CADM2: variants seen among roughly 807,000 people sequenced by gnomAD.
The protein encoded by CADM2 is cell adhesion molecule 2.
CADM2 carries 12 observed loss-of-function variants against 49.8 expected under a neutral mutation model. That is an observed-to-expected ratio of 0.24 (90% confidence interval 0.15 to 0.39). The LOEUF is 0.39. Ranked by LOEUF, CADM2 falls within the 10% of genes least tolerant of loss-of-function variation. The pLI is 1.00. For missense variants in CADM2, 378 were observed against 492.3 expected (o/e 0.77, Z 2.20); for synonymous variants, 214 against 175.4 (o/e 1.22, Z -1.74).
At chr3:85,979,710 T>G (rs1293438156) in intron 8 of CADM2, among the ~76,000 whole-genome samples, 1 of 151,632 alleles carries the variant, frequency 6.6e-6, no homozygotes, top group African/African-American at 2.4e-5. Context: ...ATCTATAGTT[T>G]TGAAATTGTT....
intron 3 of CADM2, among the ~76,000 whole-genome samples, chr3:85,826,116 C>A (rs2073896528): frequency 6.6e-6 from 1 of 151,936 alleles, no homozygotes; most frequent in Non-Finnish European, 1.5e-5. Context: ...TCATCACATG[C>A]TTTTATAGAA....
At chr3:85,650,304 A>T (rs1162546742) in intron 1 of CADM2, among the ~76,000 whole-genome samples, 1 of 152,200 alleles carries the variant, frequency 6.6e-6, no homozygotes, top group Non-Finnish European at 1.5e-5. Flanking sequence ...AGTAGATAAA[A>T]GATCTCTTTT....
intron 2 of CADM2, among the ~76,000 whole-genome samples, chr3:85,776,085 T>G (rs1382812416): frequency 6.6e-6 from 1 of 151,818 alleles, no homozygotes; most frequent in Non-Finnish European, 1.5e-5. Flanking sequence ...TGAGAATATA[T>G]AAGAAATTTT....
At chr3:85,326,998 CA>C (rs1559781089) in intron 1 of CADM2, among the ~76,000 whole-genome samples, 2 of 151,428 alleles carry the variant, frequency 1.3e-5, no homozygotes, top group Admixed American at 6.6e-5. Context: ...CTTATTCTAC[CA>C]TTTTGTTTGT....
intron 1 of CADM2, among the ~76,000 whole-genome samples, chr3:85,478,082 A>T (rs1451464847): frequency 6.6e-6 from 1 of 151,940 alleles, no homozygotes; most frequent in African/African-American, 2.4e-5. Context: ...TCTTCAAAGT[A>T]CTTTTAGTTT....
chr3:85,704,926 T>C (rs1007663478), intron 1 of CADM2, among the ~76,000 whole-genome samples: 1 of 151,144 alleles, frequency 6.6e-6, no homozygotes, highest in Non-Finnish European at 1.5e-5. Context: ...TGGCACGATC[T>C]TGGCTCACTG....
intron 1 of CADM2, among the ~76,000 whole-genome samples, chr3:85,005,845 T>C (rs1337071559): frequency 6.6e-6 from 1 of 152,162 alleles, no homozygotes; most frequent in Non-Finnish European, 1.5e-5. Flanking sequence ...TCTGAGGAGT[T>C]TAGCAATGAA....
intron 3 of CADM2, among the ~76,000 whole-genome samples, chr3:85,821,256 G>A (rs1344305574): frequency 6.6e-6 from 1 of 152,152 alleles, no homozygotes; most frequent in Admixed American, 6.5e-5. Flanking sequence ...CAGGAAGATA[G>A]TTAGCAAGAA....
chr3:85,981,363 C>T (rs1727464936), intron 8 of CADM2, among the ~76,000 whole-genome samples: 1 of 151,330 alleles, frequency 6.6e-6, no homozygotes, highest in Non-Finnish European at 1.5e-5. Flanking sequence ...TTCCTTCCAA[C>T]TTTTATTTTA....
At chr3:85,782,188 C>A (rs6770050) in intron 2 of CADM2, among the ~76,000 whole-genome samples, 7,734 of 152,172 alleles carry the variant, frequency 0.051, 556 homozygotes, top group African/African-American at 0.16. Flanking sequence ...TTTGCTATTT[C>A]TTTTCATTTG....
At chr3:85,935,905 C>T (rs1484418886) in intron 7 of CADM2, 48 bp downstream of exon 7, 4 of 1,156,938 alleles carry the variant, frequency 3.5e-6, no homozygotes, top group Non-Finnish European at 5.1e-6. Context: ...TTTCTTTTAT[C>T]TTGCTTTGAT....
intron 1 of CADM2, among the ~76,000 whole-genome samples, chr3:85,495,806 G>C (rs1033125271): frequency 9.2e-5 from 14 of 152,066 alleles, no homozygotes; most frequent in Middle Eastern, 3.4e-3. Context: ...AACAGAGTGA[G>C]GAGTCATTCA....
At chr3:85,206,862 T>C (rs2041655682) in intron 1 of CADM2, among the ~76,000 whole-genome samples, 1 of 152,110 alleles carries the variant, frequency 6.6e-6, no homozygotes, top group Non-Finnish European at 1.5e-5. Flanking sequence ...GAAGAACTTG[T>C]ATTAGTAATA....
At chr3:85,494,216 A>G (rs1402520885) in intron 1 of CADM2, among the ~76,000 whole-genome samples, 1 of 152,182 alleles carries the variant, frequency 6.6e-6, no homozygotes, top group Non-Finnish European at 1.5e-5. Flanking sequence ...TTTACGTTTA[A>G]GTAAAATTTA....
intron 1 of CADM2, among the ~76,000 whole-genome samples, chr3:85,279,114 A>T (rs2043433043): frequency 6.6e-6 from 1 of 151,524 alleles, no homozygotes; most frequent in Non-Finnish European, 1.5e-5. Context: ...AATTAATAAG[A>T]AACAATGGTA....
chr3:85,903,012 G>T (rs1716324890), intron 5 of CADM2, among the ~76,000 whole-genome samples: 1 of 151,992 alleles, frequency 6.6e-6, no homozygotes. Flanking sequence ...CATATTATAT[G>T]TTTTTAATTC....
chr3:85,302,613 A>AT (rs1177133347), intron 1 of CADM2, among the ~76,000 whole-genome samples: 1 of 152,008 alleles, frequency 6.6e-6, no homozygotes, highest in Admixed American at 6.6e-5. Context: ...GACTGGTTAA[A>AT]TTGGATACTG....
intron 1 of CADM2, among the ~76,000 whole-genome samples, chr3:85,563,108 T>G (rs975305578): frequency 6.6e-6 from 1 of 152,140 alleles, no homozygotes; most frequent in African/African-American, 2.4e-5. Context: ...TAAGAAAATT[T>G]TACTGGAGTG....
intron 1 of CADM2, among the ~76,000 whole-genome samples, chr3:85,684,214 T>C (rs576560978): frequency 4.9e-4 from 74 of 152,232 alleles, no homozygotes; most frequent in Non-Finnish European, 1.1e-3. Flanking sequence ...AACTGTCTAA[T>C]GATATGAAAG....
Sources: gnomAD v4.1 joint callset for allele counts (sites outside exome capture counted in the v4.1 genomes callset) on GRCh38, gnomAD v4.1.1 for gene constraint, MANE v1.5 for transcripts, NCBI Gene and HGNC (gene_info 2026-07-23, HGNC 2026-07-21) for gene names.